Variants in DLGAP2 observed in about 807,000 individuals in gnomAD.
The protein encoded by DLGAP2 is disks large-associated protein 2.
Under a neutral mutation model 100.3 loss-of-function variants are expected in DLGAP2, and 26 were observed. That is an observed-to-expected ratio of 0.26 (90% CI 0.19 to 0.36). The LOEUF (loss-of-function observed/expected upper bound fraction) is 0.36. DLGAP2 is among the 10% of genes least tolerant of loss of function. The pLI, the probability that DLGAP2 is intolerant of heterozygous loss-of-function variation, is 1.00. For missense variants in DLGAP2, 1,858 were observed against 1,453.2 expected (o/e 1.28, Z -4.53); for synonymous variants, 886 against 630.1 (o/e 1.41, Z -6.08).
chr8:1,265,590 G>A (rs1330532263), intron 3 of DLGAP2, among the ~76,000 whole-genome samples: 1 of 152,168 alleles, frequency 6.6e-6, no homozygotes, highest in Non-Finnish European at 1.5e-5. Context: ...AATATACTGG[G>A]CCTCTTTGAT....
chr8:1,302,113 G>A (rs1046746245), intron 3 of DLGAP2: 2 of 152,412 alleles, frequency 1.3e-5, no homozygotes, highest in Non-Finnish European at 2.9e-5. Flanking sequence ...AGCTCTATAA[G>A]TTCCTGAGCC....
chr8:773,093 C>A (rs949293810), intron 1 of DLGAP2, among the ~76,000 whole-genome samples: 1 of 152,164 alleles, frequency 6.6e-6, no homozygotes, highest in African/African-American at 2.4e-5. Context: ...TGTAACCAAG[C>A]CCTGGAGCCT....
intron 3 of DLGAP2, among the ~76,000 whole-genome samples, chr8:1,293,632 GA>G (rs535645268): frequency 2.9e-4 from 44 of 150,168 alleles, no homozygotes; most frequent in African/African-American, 9.3e-4. Flanking sequence ...AATTTGAACA[GA>G]AAAAAAAAAT....
At chr8:1,190,796 G>A (rs1797617182) in intron 2 of DLGAP2, among the ~76,000 whole-genome samples, 1 of 151,996 alleles carries the variant, frequency 6.6e-6, no homozygotes, top group African/African-American at 2.4e-5. Context: ...GCACGCAGCA[G>A]CAAGGCGTGG....
At chr8:1,305,081 C>A (rs1800457111) in intron 3 of DLGAP2, among the ~76,000 whole-genome samples, 1 of 152,226 alleles carries the variant, frequency 6.6e-6, no homozygotes, top group African/African-American at 2.4e-5. Flanking sequence ...CCAGGAATCT[C>A]TCTCAGAAGC....
chr8:1,480,454 C>A (rs540427155), intron 3 of DLGAP2, among the ~76,000 whole-genome samples: 9 of 152,246 alleles, frequency 5.9e-5, no homozygotes, highest in Middle Eastern at 3.4e-3. Context: ...TTGCTTAAAC[C>A]CAGAAATACA....
intron 2 of DLGAP2, among the ~76,000 whole-genome samples, chr8:943,462 G>A (rs551834416): frequency 2.6e-5 from 4 of 152,380 alleles, no homozygotes; most frequent in African/African-American, 9.6e-5. Context: ...TAGAGCTCCG[G>A]TGTGTGGACG....
intron 2 of DLGAP2, among the ~76,000 whole-genome samples, chr8:945,588 C>T (rs184723926): frequency 4.7e-4 from 71 of 152,306 alleles, no homozygotes; most frequent in African/African-American, 1.3e-3. Flanking sequence ...CAGCTAAAAA[C>T]GCCACCACTT....
At chr8:1,510,808 G>C (rs1443551101) in intron 4 of DLGAP2, among the ~76,000 whole-genome samples, 1 of 152,144 alleles carries the variant, frequency 6.6e-6, no homozygotes, top group Non-Finnish European at 1.5e-5. Context: ...TCCAAGTCCA[G>C]GAGGTCCACT....
intron 2 of DLGAP2, among the ~76,000 whole-genome samples, chr8:1,036,900 G>C (rs1253337762): frequency 6.6e-6 from 1 of 152,098 alleles, no homozygotes; most frequent in Admixed American, 6.5e-5. Flanking sequence ...GCTTTTTTTA[G>C]GATACCAGAA....
At chr8:1,257,812 C>G (rs115812227) in intron 2 of DLGAP2, among the ~76,000 whole-genome samples, 182 of 152,326 alleles carry the variant, frequency 1.2e-3, no homozygotes, top group African/African-American at 4.2e-3. Flanking sequence ...GTCTTGATAT[C>G]TGACGCACAT....
At chr8:1,481,605 AAT>A (rs375197658) in intron 3 of DLGAP2, among the ~76,000 whole-genome samples, 21 of 148,954 alleles carry the variant, frequency 1.4e-4, no homozygotes, top group African/African-American at 4.9e-4. Flanking sequence ...CAGCCTCCTG[AAT>A]GGCTGGGATT....
At chr8:1,480,294 A>T (rs1305209072) in intron 3 of DLGAP2, among the ~76,000 whole-genome samples, 1 of 152,086 alleles carries the variant, frequency 6.6e-6, no homozygotes, top group Non-Finnish European at 1.5e-5. Context: ...ATTTAAATGG[A>T]TTTGTCTCCA....
intron 2 of DLGAP2, among the ~76,000 whole-genome samples, chr8:918,680 A>G (rs1798645097): frequency 6.6e-6 from 1 of 152,128 alleles, no homozygotes; most frequent in Non-Finnish European, 1.5e-5. Flanking sequence ...AATTGTGTTA[A>G]CCCACCCTGT....
At chr8:1,225,519 A>C (rs1413016270) in intron 2 of DLGAP2, among the ~76,000 whole-genome samples, 1 of 152,212 alleles carries the variant, frequency 6.6e-6, no homozygotes, top group African/African-American at 2.4e-5. Flanking sequence ...GTTGAACAAC[A>C]CGTGAATGTA....
intron 3 of DLGAP2, among the ~76,000 whole-genome samples, chr8:1,480,401 A>G (rs2130242339): frequency 6.6e-6 from 1 of 152,262 alleles, no homozygotes; most frequent in East Asian, 1.9e-4. Context: ...CACTGGCAGA[A>G]GCTCTCTGCA....
At chr8:1,425,822 A>G (rs1208216706) in intron 3 of DLGAP2, among the ~76,000 whole-genome samples, 1 of 152,210 alleles carries the variant, frequency 6.6e-6, no homozygotes, top group Non-Finnish European at 1.5e-5. Flanking sequence ...CTAGACCGAG[A>G]AACAGAGACA....
intron 1 of DLGAP2, among the ~76,000 whole-genome samples, chr8:768,545 C>G (rs1370288179): frequency 2.6e-5 from 4 of 151,528 alleles, no homozygotes; most frequent in African/African-American, 9.7e-5. Context: ...CTGCCTCAGC[C>G]TCCCGAGTAC....
chr8:987,029 G>A (rs971016476), intron 2 of DLGAP2, among the ~76,000 whole-genome samples: 4 of 152,182 alleles, frequency 2.6e-5, no homozygotes, highest in Admixed American at 1.3e-4. Flanking sequence ...AAAAATCATG[G>A]AGCAAATCCC....
Sources: allele counts gnomAD v4.1 joint callset (sites outside exome capture counted in the v4.1 genomes callset), GRCh38; gene constraint gnomAD v4.1.1; transcripts MANE v1.5; gene names NCBI Gene and HGNC (gene_info 2026-07-23, HGNC 2026-07-21).